Variants in ZC3HC1 observed in about 807,000 individuals in gnomAD.
ZC3HC1 encodes the protein zinc finger C3HC-type containing 1, also known as zinc finger C3HC-type protein 1.
Under a neutral mutation model 61.9 loss-of-function variants are expected in ZC3HC1, and 38 were observed. That is an observed-to-expected ratio of 0.61 (90% CI 0.47 to 0.81). The LOEUF (loss-of-function observed/expected upper bound fraction) is 0.81. Among genes scored for constraint, ZC3HC1 ranks in the 30% least tolerant of loss-of-function variants. ZC3HC1 has a pLI of 0.00. For synonymous variants in ZC3HC1, 213 were observed against 229.9 expected (o/e 0.93, Z 0.67); for missense variants, 554 against 622.7 (o/e 0.89, Z 1.17).
intron 2 of ZC3HC1, among the ~76,000 whole-genome samples, chr7:130,047,635 G>T (rs929103546): frequency 3.6e-5 from 4 of 110,406 alleles, no homozygotes; most frequent in Middle Eastern, 4.1e-3. Context: ...GCAAGACTTT[G>T]TCTACACACA....
intron 5 of ZC3HC1, 83 bp downstream of exon 5, chr7:130,028,819 C>G (rs1794046147): frequency 6.5e-7 from 1 of 1,537,558 alleles, no homozygotes; most frequent in South Asian, 1.2e-5. Flanking sequence ...GCAATTGCAT[C>G]TTCTTGTCAT....
At chr7:130,042,785 C>T (rs528728493) in intron 2 of ZC3HC1, among the ~76,000 whole-genome samples, 20 of 152,190 alleles carry the variant, frequency 1.3e-4, no homozygotes, top group African/African-American at 3.1e-4. Flanking sequence ...TGGGTTCAAC[C>T]GATTCTCCTG....
chr7:130,045,428 C>T, intron 2 of ZC3HC1: 1 of 454,274 alleles, frequency 2.2e-6, no homozygotes, highest in Non-Finnish European at 4.4e-6. Context: ...ACAGAGCTAC[C>T]CATCAGTACC....
At chr7:130,019,717 T>C (rs569953414) in intron 9 of ZC3HC1, among the ~76,000 whole-genome samples, 1 of 152,098 alleles carries the variant, frequency 6.6e-6, no homozygotes, top group African/African-American at 2.4e-5. Flanking sequence ...AGAGCAAGTA[T>C]TCCACGCAGA....
chr7:130,026,399 G>A (rs1049356292), intron 5 of ZC3HC1, 87 bp from the exon 6 acceptor site: 47 of 1,361,414 alleles, frequency 3.5e-5, no homozygotes, highest in Admixed American at 1.4e-4. Flanking sequence ...GGTACAAGCC[G>A]AAAATCAGGA....
At chr7:130,027,716 A>G (rs1386074445) in intron 5 of ZC3HC1, among the ~76,000 whole-genome samples, 1 of 151,592 alleles carries the variant, frequency 6.6e-6, no homozygotes, top group Non-Finnish European at 1.5e-5. Flanking sequence ...ACGGGGTTTC[A>G]CCATGTTGGC....
chr7:130,018,856 A>G (rs1358317590), intron 9 of ZC3HC1, 124 bp from the exon 10 acceptor site: 5 of 759,348 alleles, frequency 6.6e-6, no homozygotes, highest in Non-Finnish European at 1.0e-5. Flanking sequence ...GTAGTATGCT[A>G]TACATAATGT....
chr7:130,042,651 C>T (rs940710949), intron 2 of ZC3HC1, among the ~76,000 whole-genome samples: 1 of 152,094 alleles, frequency 6.6e-6, no homozygotes. Flanking sequence ...ACATTTATTA[C>T]TCCTTAATAT....
intron 1 of ZC3HC1, chr7:130,050,416 A>C: frequency 6.5e-7 from 1 of 1,533,556 alleles, no homozygotes; most frequent in Non-Finnish European, 8.7e-7. Flanking sequence ...TACATCAACG[A>C]TTATAGCTCA....
upstream of ZC3HC1, chr7:130,051,391 C>A (rs769499068): frequency 5.0e-6 from 8 of 1,612,534 alleles, no homozygotes; most frequent in Non-Finnish European, 6.8e-6. Context: ...GAGTTGCTTC[C>A]CCGAGAGTTT....
At position 130,023,070 on chromosome 7, in the gene ZC3HC1, G is replaced by A. The variant is rs954564369; in HGVS notation, c.1233+441C>T. The A allele has an allele frequency of 1.2e-4, 20 of 169,074 alleles. No homozygotes were observed. Among genetic ancestry groups the A allele is most frequent in the African/African-American group, 2.7e-4 (11 of 41,388 alleles). The allele number at this position is 169,074 out of a possible 1,614,324, so 10.5% of individuals were successfully genotyped here. On this transcript the variant is annotated intron_variant, in intron 8 of 9. Transcript: ENST00000358303. This position sits in a 1 kb window ranked among gnomAD's most constrained non-coding sequence, Gnocchi z 4.2. ...CAGGTTCCCACTGACTCTATATTATGGTGAGTTGTACAATTATTTCATTAT... is the reference window on the plus strand; with the variant it reads ...CAGGTTCCCACTGACTCTATATTATAGTGAGTTGTACAATTATTTCATTAT...
intron 1 of ZC3HC1, 32 bp downstream of exon 1, chr7:130,051,189 A>G (rs757491499): frequency 1.9e-6 from 3 of 1,573,306 alleles, no homozygotes; most frequent in East Asian, 4.6e-5. Context: ...CAATCTTCCA[A>G]CGCCGGACCC....
chr7:130,023,539 C>G lies in ZC3HC1; in HGVS notation c.1205G>C (p.Arg402Pro). 7 of 1,614,174 alleles carry G rather than the reference C, an allele frequency of 4.3e-6. No individual in the cohort carries two copies. The highest frequency in any genetic ancestry group is 5.9e-6 in the Non-Finnish European group (7 of 1,180,044). Residue 402 changes from arginine (R) to proline (P), a missense_variant, in exon 8 of 10, where the codon CGA (arginine) becomes CCA (proline). Arg to Pro is a moderately radical substitution (Grantham distance 103). Coordinates refer to ENST00000358303, the MANE Select transcript of ZC3HC1 (RefSeq NM_016478.5). The surrounding 1 kb of genome is among the most constrained non-coding windows in gnomAD (Gnocchi z 4.2). ...ACTGCTGGAGGAGCAGAGGCGAGCT[C>G]GCTTGGCTTTCCGCAGAGGGCTAGA... The part of the protein sequence containing the change: ...VPSSPLRKAK[R>P]ARLCSSSSSD...
At chr7:130,039,709 A>G in intron 3 of ZC3HC1, 162 bp from the exon 4 acceptor site, 1 of 533,294 alleles carries the variant, frequency 1.9e-6, no homozygotes, top group Non-Finnish European at 3.3e-6. Flanking sequence ...AACAGGTTTT[A>G]AATTGAGATC....
At chr7:130,021,299 A>G (rs1793633616) in intron 9 of ZC3HC1, among the ~76,000 whole-genome samples, 2 of 152,226 alleles carry the variant, frequency 1.3e-5, no homozygotes, top group African/African-American at 2.4e-5. Context: ...GCTCATAAAT[A>G]TCTGCTGACA....
At chr7:130,028,570 TAAATC>T (rs1346137034) in intron 5 of ZC3HC1, among the ~76,000 whole-genome samples, 1 of 151,818 alleles carries the variant, frequency 6.6e-6, no homozygotes, top group African/African-American at 2.4e-5. Context: ...ATTTAAGTAA[TAAATC>T]AAGATAAAAC....
intron 4 of ZC3HC1, among the ~76,000 whole-genome samples, chr7:130,034,205 G>A (rs1794334310): frequency 1.3e-5 from 2 of 148,890 alleles, no homozygotes; most frequent in South Asian, 4.2e-4. Flanking sequence ...GACAGGGTCG[G>A]CAGGGCATTT....
At chr7:130,033,600 G>A (rs1386471611) in intron 4 of ZC3HC1, among the ~76,000 whole-genome samples, 1 of 151,898 alleles carries the variant, frequency 6.6e-6, no homozygotes, top group Admixed American at 6.6e-5. Flanking sequence ...CTACAGGCAC[G>A]TGCCACCATG....
rs565868296 is a variant in ZC3HC1 at position 130,024,353 on chromosome 7, C to T, written c.930G>A (p.Gly310=). Residue 310 remains glycine, a synonymous_variant, in exon 7 of 10, where the codon GGG becomes GGA. Transcript: ENST00000358303. ...LTSSPIPGLE[G]RPERLPLVPE... ...GCACCAGAGGTAAGCGCTCTGGTCG[C>T]CCCTCAAGGCCTGGGATTGGGGAGC... The T allele has an allele frequency of 2.7e-5, 44 of 1,614,122 alleles. No homozygotes were observed. The South Asian group carries it at 4.3e-4, about 16-fold the overall frequency.
Sources: gnomAD v4.1 joint callset for allele counts (sites outside exome capture counted in the v4.1 genomes callset) on GRCh38, gnomAD v4.1.1 for gene constraint, Gnocchi (gnomAD v3.1) non-coding constraint, MANE v1.5 for transcripts, NCBI Gene and HGNC (gene_info 2026-07-23, HGNC 2026-07-21) for gene names.